MET: variants seen among roughly 807,000 people sequenced by gnomAD.
The protein encoded by MET is MET proto-oncogene, receptor tyrosine kinase, also known as hepatocyte growth factor receptor.
A neutral mutation model predicts 133.1 loss-of-function variants in MET; 48 were observed. The observed-to-expected ratio is 0.36, with a 90% CI of 0.29 to 0.46. The LOEUF is 0.46. MET is among the 20% of genes least tolerant of loss of function. The pLI is 1.00. For missense variants in MET, 1,442 were observed against 1,695.9 expected, an observed-to-expected ratio of 0.85 and a Z score of 2.63; for synonymous variants, 628 against 616.5, an observed-to-expected ratio of 1.02 and a Z score of -0.28.
At chr7:116,778,703 T>C in intron 16 of MET, 73 bp from the exon 17 acceptor site, 2 of 1,490,246 alleles carry the variant, frequency 1.3e-6, no homozygotes, top group Non-Finnish European at 1.9e-6. Context: ...TTCATTGCTC[T>C]TCCTATCTAA....
intron 5 of MET, among the ~76,000 whole-genome samples, chr7:116,752,004 T>C (rs941972508): frequency 6.6e-6 from 1 of 151,956 alleles, no homozygotes; most frequent in Non-Finnish European, 1.5e-5. Flanking sequence ...GAGCTTGCAG[T>C]GAGCCAAGAT....
chr7:116,718,037 T>C (rs1376309242), intron 2 of MET, among the ~76,000 whole-genome samples: 1 of 152,154 alleles, frequency 6.6e-6, no homozygotes, highest in Non-Finnish European at 1.5e-5. Flanking sequence ...TTTAACTCTA[T>C]GACAGTATAT....
intron 2 of MET, among the ~76,000 whole-genome samples, chr7:116,701,970 A>G (rs1232731197): frequency 2.6e-5 from 4 of 152,190 alleles, no homozygotes; most frequent in African/African-American, 7.2e-5. Flanking sequence ...AGAATTCATA[A>G]AGGTATATTG....
intron 5 of MET, among the ~76,000 whole-genome samples, chr7:116,747,406 G>A (rs550777044): frequency 6.6e-6 from 1 of 152,274 alleles, no homozygotes; most frequent in African/African-American, 2.4e-5. Flanking sequence ...GACACACATA[G>A]GCTCAAAATA....
intron 2 of MET, among the ~76,000 whole-genome samples, chr7:116,722,009 T>C (rs1462983013): frequency 1.3e-5 from 2 of 150,888 alleles, no homozygotes; most frequent in Middle Eastern, 3.4e-3. Context: ...GTCCTCTTGG[T>C]GCAGAGCTGA....
chr7:116,699,802 G>A lies in MET; in HGVS notation c.718G>A (p.Glu240Lys), dbSNP rs2116596145. Reference sequence around the variant, plus strand: ...CCAGTCCTACATTGATGTTTTACCTGAGTTCAGAGATTCTTACCCCATTAA... The same window carrying A: ...CCAGTCCTACATTGATGTTTTACCTAAGTTCAGAGATTCTTACCCCATTAA... ...TDQSYIDVLP[E>K]FRDSYPIKYV... The change falls in exon 2 of 21, where the codon GAG (glutamate) becomes AAG (lysine). Residue 240 changes from glutamate (E) to lysine (K), a missense_variant. By Grantham distance (56) the Glu-to-Lys change is moderately conservative (BLOSUM62 1). Transcript: ENST00000397752. 1.2e-6 allele frequency: 2 copies of A among 1,614,060 alleles called. No homozygotes were observed. The highest frequency in any genetic ancestry group is 2.2e-5 in the East Asian group (1 of 44,882).
At chr7:116,778,743 T>C in intron 16 of MET, 33 bp from the exon 17 acceptor site, 1 of 1,609,124 alleles carries the variant, frequency 6.2e-7, no homozygotes, top group Non-Finnish European at 8.5e-7. Flanking sequence ...TGTTCCATAA[T>C]GAAGTTAATG....
chr7:116,742,370 G>T (rs534085049), intron 5 of MET, among the ~76,000 whole-genome samples: 1 of 152,184 alleles, frequency 6.6e-6, no homozygotes, highest in African/African-American at 2.4e-5. Context: ...CTTTTTTGTT[G>T]TTCAGTATAC....
Position 116,731,719 on chromosome 7 carries a change from A to G in MET, c.1252A>G (p.Thr418Ala). 4 of 1,614,092 alleles carry G rather than the reference A, an allele frequency of 2.5e-6. No homozygotes were observed. The highest frequency in any genetic ancestry group is 3.4e-6 in the Non-Finnish European group (4 of 1,179,986). ...TGAAGCGCGCCGTGATGAATATCGA[A>G]CAGAGTTTACCACAGCTTTGCAGCG... is the stretch of plus-strand genomic sequence containing the variant. ...GCEARRDEYR[T>A]EFTTALQRVD... is the part of the protein sequence containing the mutation. Residue 418 changes from threonine to alanine, a missense_variant, in exon 3 of 21, where the codon ACA becomes GCA. This residue lies in a region of MET where 762 missense variants were observed against 792.4 expected (regional missense o/e 0.96). Coordinates refer to ENST00000397752, the MANE Select transcript of MET (RefSeq NM_000245.4).
chr7:116,758,708 T>C, intron 9 of MET, 88 bp downstream of exon 9: 1 of 1,331,984 alleles, frequency 7.5e-7, no homozygotes, highest in Non-Finnish European at 1.1e-6. Context: ...TGCAGTTTTA[T>C]CTCTGGCTTT....
chr7:116,689,298 T>C (rs1796688062), intron 1 of MET, among the ~76,000 whole-genome samples: 1 of 152,182 alleles, frequency 6.6e-6, no homozygotes, highest in South Asian at 2.1e-4. Context: ...AATACATATA[T>C]ACCACAGAAA....
At chr7:116,706,935 G>A (rs971046044) in intron 2 of MET, among the ~76,000 whole-genome samples, 4 of 149,156 alleles carry the variant, frequency 2.7e-5, no homozygotes, top group South Asian at 4.2e-4. Flanking sequence ...ACCGAATCTA[G>A]GATCCTGGAT....
At chr7:116,761,496 G>A (rs1187891585) in intron 10 of MET, among the ~76,000 whole-genome samples, 1 of 152,042 alleles carries the variant, frequency 6.6e-6, no homozygotes, top group Non-Finnish European at 1.5e-5. Flanking sequence ...AAAACTCTTG[G>A]TCAGGTCTGA....
At position 116,795,741 on chromosome 7, in the gene MET, C is replaced by T. The variant is rs1795648934; in HGVS notation, c.3885C>T (p.Tyr1295=). Residue 1295 remains tyrosine (Y), a synonymous_variant, in exon 20 of 21, where the codon TAC becomes TAT. Coordinates refer to ENST00000397752, the MANE Select transcript of MET (RefSeq NM_000245.4). ...PDVNTFDITV[Y]LLQGRRLLQP... ...TAAACACCTTTGATATAACTGTTTA[C>T]TTGTTGCAAGGGAGAAGACTCCTAC... 1.2e-6 allele frequency: 2 copies of T among 1,614,174 alleles called. No individual in the cohort carries two copies. The highest frequency in any genetic ancestry group is 1.7e-5 in the Admixed American group (1 of 60,014).
At chr7:116,785,127 A>T (rs559495646) in intron 19 of MET, among the ~76,000 whole-genome samples, 7 of 152,342 alleles carry the variant, frequency 4.6e-5, no homozygotes, top group Non-Finnish European at 8.8e-5. Flanking sequence ...GATGCAAGGG[A>T]TGGGCTCCCA....
At chr7:116,725,170 A>G (rs907249941) in intron 2 of MET, among the ~76,000 whole-genome samples, 21 of 152,202 alleles carry the variant, frequency 1.4e-4, no homozygotes, top group African/African-American at 4.8e-4. Flanking sequence ...GCTAATATTT[A>G]TTGACTCAAC....
In MET at chr7:116,797,152, A is replaced by G. The variant is rs41738; in HGVS notation, c.*1028A>G. The G allele has an allele frequency of 0.37, 74,302 of 200,028 alleles. 15,928 individuals are homozygous for G. The highest frequency in any genetic ancestry group is 0.49 in the East Asian group (6,259 of 12,806). 12.4% of individuals were successfully genotyped at this position (200,028 alleles called of 1,614,324 possible). A position where few individuals can be genotyped will look rare whatever the true frequency, so the allele number is the denominator to read the frequency against. On this transcript the variant is annotated 3_prime_UTR_variant, in exon 21 of 21. Coordinates refer to ENST00000397752, the MANE Select transcript of MET (RefSeq NM_000245.4). ...CTACTCTGATCTAATGAATGTGAAC[A>G]TGTAGATGTTTTGTGTGTATTTTTT... is the stretch of plus-strand genomic sequence containing the variant.
At chr7:116,771,356 T>A (rs559748015) in intron 12 of MET, 142 bp from the exon 13 acceptor site, 1 of 892,014 alleles carries the variant, frequency 1.1e-6, no homozygotes, top group East Asian at 2.5e-5. Context: ...AATTGAGGAA[T>A]CTCTTATTAT....
chr7:116,796,183 G>T lies in MET; in HGVS notation c.*59G>T. On this transcript the variant is annotated 3_prime_UTR_variant, in exon 21 of 21. Coordinates refer to ENST00000397752, the MANE Select transcript of MET (RefSeq NM_000245.4). ...TTGTCCAATGGTTTTTTCACTGCCT[G>T]ACCTTTAAAAGGCCATCGATATTCT... 1 of 1,501,626 alleles carries T rather than the reference G, an allele frequency of 6.7e-7. No individual in the cohort carries two copies. The allele number at this position is 1,501,626 out of a possible 1,614,324, so 93.0% of individuals were successfully genotyped here.
Sources: allele counts gnomAD v4.1 joint callset (sites outside exome capture counted in the v4.1 genomes callset), GRCh38; gene constraint gnomAD v4.1.1; regional missense constraint gnomAD v4.1.1; transcripts MANE v1.5; gene names NCBI Gene and HGNC (gene_info 2026-07-23, HGNC 2026-07-21).